Variants in IFT70B observed in about 807,000 individuals in gnomAD.
IFT70B encodes the protein intraflagellar transport protein 70B.
At chr2:177,551,926 T>G in the IFT70B span, 14 of 1,614,140 alleles carry the variant, frequency 8.7e-6, no homozygotes, top group Middle Eastern at 3.3e-4. Flanking sequence ...TCCTCTGCCC[T>G]GGGTGGCATG....
At chr2:177,551,528 T>C in the IFT70B span, 4 of 1,614,284 alleles carry the variant, frequency 2.5e-6, no homozygotes, top group Non-Finnish European at 3.4e-6. Flanking sequence ...ATTCATTCAC[T>C]GCCTTTTTGA....
the IFT70B span, chr2:177,550,151 A>AT: frequency 1.3e-5 from 2 of 152,218 alleles, no homozygotes; most frequent in Non-Finnish European, 2.9e-5. Context: ...AACCAGGGAA[A>AT]TTTGTTCTTT....
chr2:177,552,540 T>C, the IFT70B span: 2 of 1,599,328 alleles, frequency 1.3e-6, no homozygotes, highest in Non-Finnish European at 1.7e-6. Context: ...CAGTTCCGGG[T>C]GCAGCTGGCC....
the IFT70B span, chr2:177,552,355 C>CT: frequency 6.2e-7 from 1 of 1,614,228 alleles, no homozygotes; most frequent in Non-Finnish European, 8.5e-7. Flanking sequence ...GGCAGCTGCT[C>CT]TACCAGGCTC....
chr2:177,551,556 T>C, the IFT70B span: 1 of 1,614,122 alleles, frequency 6.2e-7, no homozygotes, highest in Non-Finnish European at 8.5e-7. Flanking sequence ...ATCATCTCTA[T>C]TGTGTCTTGC....
At chr2:177,549,063 T>C in the IFT70B span, 1 of 152,036 alleles carries the variant, frequency 6.6e-6, no homozygotes, top group Non-Finnish European at 1.5e-5. Context: ...TTTCAGTTCA[T>C]TTACTTTCCA....
the IFT70B span, chr2:177,552,743 C>A: frequency 2.5e-6 from 4 of 1,576,044 alleles, no homozygotes; most frequent in Non-Finnish European, 3.5e-6. Context: ...CGGGGATCTG[C>A]GCGCCGCTCA....
At chr2:177,551,683 A>G in the IFT70B span, 1 of 1,614,206 alleles carries the variant, frequency 6.2e-7, no homozygotes, top group Non-Finnish European at 8.5e-7. Context: ...GCGTCCAAGA[A>G]GTCATAGAGA....
the IFT70B span, chr2:177,551,508 G>T: frequency 5.6e-6 from 9 of 1,614,124 alleles, no homozygotes; most frequent in Middle Eastern, 3.3e-4. Flanking sequence ...TTTCTCCATG[G>T]TTTCATCATA....
At chr2:177,551,020 T>G in the IFT70B span, 1 of 1,614,076 alleles carries the variant, frequency 6.2e-7, no homozygotes, top group Admixed American at 1.7e-5. Context: ...TAATACCAGG[T>G]GTCTGTTCCC....
the IFT70B span, chr2:177,551,319 T>C: frequency 1.9e-6 from 3 of 1,613,736 alleles, no homozygotes; most frequent in Non-Finnish European, 2.5e-6. Context: ...TATGGGTTCA[T>C]AGAAACCAAT....
At chr2:177,552,151 C>T in the IFT70B span, 47 of 1,614,246 alleles carry the variant, frequency 2.9e-5, no homozygotes, top group Non-Finnish European at 4.0e-5. Context: ...AGTGCTGAAG[C>T]ATACTGTCGG....
the IFT70B span, chr2:177,552,589 G>A: frequency 1.9e-6 from 3 of 1,596,270 alleles, no homozygotes; most frequent in South Asian, 1.1e-5. Context: ...GCGAACTCCT[G>A]CAGGCGGTAG....
At chr2:177,552,524 C>G in the IFT70B span, 1 of 1,601,764 alleles carries the variant, frequency 6.2e-7, no homozygotes, top group Non-Finnish European at 8.5e-7. Flanking sequence ...ACAGGCGGTA[C>G]TGCTCCAGTT....
the IFT70B span, chr2:177,552,715 C>G: frequency 1.4e-5 from 23 of 1,592,884 alleles, no homozygotes; most frequent in African/African-American, 1.7e-4. Flanking sequence ...CGGTACACGA[C>G]CGCGGTGAAC....
the IFT70B span, chr2:177,552,317 C>T: frequency 1.9e-6 from 3 of 1,614,222 alleles, no homozygotes; most frequent in African/African-American, 1.3e-5. Flanking sequence ...CATTCTCGCC[C>T]CCACTTTCCT....
chr2:177,549,279 A>G, the IFT70B span: 3 of 152,226 alleles, frequency 2.0e-5, no homozygotes, highest in African/African-American at 7.2e-5. Flanking sequence ...TTAAGATTTA[A>G]AATGCCATAA....
At chr2:177,550,838 T>A in the IFT70B span, 19 of 1,614,156 alleles carry the variant, frequency 1.2e-5, no homozygotes, top group East Asian at 3.8e-4. Context: ...CTGTATTCTT[T>A]CCAACATGCA....
the IFT70B span, chr2:177,551,606 C>A: frequency 6.2e-7 from 1 of 1,614,196 alleles, no homozygotes; most frequent in South Asian, 1.1e-5. Context: ...GGACCTCAGT[C>A]AGCATCCCTG....
Sources: gnomAD v4.1 joint callset for allele counts on GRCh38, gnomAD v4.1.1 for gene constraint, MANE v1.5 for transcripts, NCBI Gene and HGNC (gene_info 2026-07-23, HGNC 2026-07-21) for gene names.